The following EXOC6 variants were observed in gnomAD, a reference collection of about 807,000 sequenced individuals.
EXOC6 encodes the protein SEC15-like 1.
A neutral mutation model predicts 112.5 loss-of-function variants in EXOC6; 60 were observed. The ratio of observed to expected loss-of-function variants is 0.53; its 90% CI spans 0.43 to 0.66. The LOEUF (loss-of-function observed/expected upper bound fraction) is 0.66. Among genes scored for constraint, EXOC6 ranks in the 30% least tolerant of loss-of-function variants. The pLI is 0.00. For synonymous variants in EXOC6, 295 were observed against 308.0 expected (o/e 0.96, Z 0.44); for missense variants, 855 against 957.1 (o/e 0.89, Z 1.41).
intron 20 of EXOC6, among the ~76,000 whole-genome samples, chr10:93,020,547 G>T (rs538048261): frequency 6.6e-6 from 1 of 152,130 alleles, no homozygotes; most frequent in East Asian, 1.9e-4. Context: ...AAATATGTTT[G>T]CCTACCTTAC....
In EXOC6 at chr10:92,954,708, C is replaced by A; in HGVS notation, c.1605C>A (p.Asn535Lys). ...GAACTTTGAGTAGCTGTTTACTGAA[C>A]CTTATTAGAAAACCTCATATAGGTT... ...LTRTLSSCLL[N>K]LIRKPHIGLT... Residue 535 changes from asparagine to lysine, a missense_variant, in exon 16 of 22, where the codon AAC becomes AAA. By Grantham distance (94) the Asn-to-Lys change is moderately conservative. Transcript: ENST00000260762. 1 of 1,599,876 alleles carries A rather than the reference C, an allele frequency of 6.3e-7. No individual in the cohort carries two copies. Among genetic ancestry groups the A allele is most frequent in the Non-Finnish European group, 8.6e-7 (1 of 1,168,668 alleles).
At chr10:92,831,951 G>A (rs559535186), upstream of EXOC6, among the ~76,000 whole-genome samples, 8 of 152,276 alleles carry the variant, frequency 5.3e-5, no homozygotes, top group East Asian at 1.4e-3. Context: ...TGTGCTGTGT[G>A]GAGAGAAGAA....
intron 17 of EXOC6, among the ~76,000 whole-genome samples, chr10:92,973,053 T>G (rs770367584): frequency 2.0e-5 from 3 of 152,254 alleles, no homozygotes; most frequent in Admixed American, 6.5e-5. Flanking sequence ...CATGTTAAAC[T>G]TATTGCCTCT....
intron 18 of EXOC6, among the ~76,000 whole-genome samples, chr10:92,988,800 T>C (rs1252705461): frequency 2.1e-5 from 3 of 143,084 alleles, no homozygotes; most frequent in African/African-American, 5.1e-5. Flanking sequence ...CTACAAAAAA[T>C]ACACACACAC....
intron 20 of EXOC6, among the ~76,000 whole-genome samples, chr10:93,045,082 A>G (rs1423511324): frequency 6.6e-6 from 1 of 152,208 alleles, no homozygotes; most frequent in Non-Finnish European, 1.5e-5. Context: ...CATGTTGGCC[A>G]GGCTAATTTC....
At chr10:93,050,165 G>A (rs117545698) in intron 20 of EXOC6, among the ~76,000 whole-genome samples, 6,275 of 152,220 alleles carry the variant, frequency 0.041, 193 homozygotes, top group Non-Finnish European at 0.063. Flanking sequence ...ATAAAGTAAG[G>A]TAAATTCTCA....
chr10:92,956,670 C>T (rs1257006931), intron 17 of EXOC6, among the ~76,000 whole-genome samples: 1 of 152,028 alleles, frequency 6.6e-6, no homozygotes. Context: ...ACATAAGACA[C>T]AAATGCAGAA....
intron 17 of EXOC6, among the ~76,000 whole-genome samples, chr10:92,961,700 T>TG (rs1854012042): frequency 1.5e-5 from 1 of 68,502 alleles, no homozygotes; most frequent in Admixed American, 2.0e-4. Context: ...CTCCGCTTTC[T>TG]GTTTTTTTTT....
Position 92,878,525 on chromosome 10 carries a change from C to T in EXOC6, c.102-14824C>T, listed in dbSNP as rs116909804. Among the ~76,000 whole-genome samples, 594 of 152,244 alleles carry T rather than the reference C, an allele frequency of 3.9e-3. 1 individual carries two copies. Among genetic ancestry groups the T allele is most frequent in the Admixed American group, 8.7e-3 (133 of 15,286 alleles). On this transcript the variant is annotated intron_variant, in intron 1 of 21. Coordinates refer to ENST00000260762, the MANE Select transcript of EXOC6 (RefSeq NM_019053.6). ...CACACAGTGTGTTTAGGGAGTGATA[C>T]GCGTGCCCATCTGATGTTTTCTTTC...
intron 6 of EXOC6, among the ~76,000 whole-genome samples, chr10:92,911,070 T>TA (rs1177221774): frequency 5.1e-5 from 5 of 97,480 alleles, no homozygotes; most frequent in Non-Finnish European, 1.0e-4. Context: ...AATAAAAAGT[T>TA]AAAAAATAAT....
Position 92,893,413 on chromosome 10 carries a change from C to T in EXOC6, c.166C>T (p.Arg56Cys), listed in dbSNP as rs1489203971. 6.8e-6 allele frequency: 11 copies of T among 1,612,870 alleles called. No homozygotes were observed. The highest frequency in any genetic ancestry group is 9.3e-6 in the Non-Finnish European group (11 of 1,179,380). Reference protein sequence around the residue: ...KFMEKLDACIRNHDKEIEKMC... With the variant: ...KFMEKLDACICNHDKEIEKMC... ...TATGGAAAAGTTAGATGCTTGTATC[C>T]GTAATCATGACAAGGAAATTGAAAA... is the stretch of plus-strand genomic sequence containing the variant. The change falls in exon 2 of 22, where the codon CGT becomes TGT. Residue 56 changes from arginine to cysteine, a missense_variant. Arg to Cys is a radical substitution (Grantham distance 180). This residue lies in a region of EXOC6 where 405 missense variants were observed against 393.6 expected (regional missense o/e 1.03). Transcript: ENST00000260762.
chr10:92,854,608 T>C (rs1160494841), intron 1 of EXOC6, among the ~76,000 whole-genome samples: 1 of 152,204 alleles, frequency 6.6e-6, no homozygotes, highest in Non-Finnish European at 1.5e-5. Flanking sequence ...TCTGTATCTA[T>C]TGAGGTGATC....
chr10:92,957,538 A>G (rs1346726858), intron 17 of EXOC6, among the ~76,000 whole-genome samples: 2 of 152,132 alleles, frequency 1.3e-5, no homozygotes, highest in Non-Finnish European at 2.9e-5. Flanking sequence ...TCCTTGGTGT[A>G]TTTCCTTGGA....
At position 92,896,035 on chromosome 10, in the gene EXOC6, G is replaced by A. The variant is rs202211581; in HGVS notation, c.412+1015G>A. 8.4e-5 allele frequency among the ~76,000 whole-genome samples: 9 copies of A among 107,692 alleles called. No homozygotes were observed. In the East Asian group the frequency reaches 1.1e-3, roughly 13 times the overall value. The allele number at this position is 107,692 out of a possible 152,430, so 70.7% of individuals were successfully genotyped here. Reference sequence around the variant, plus strand: ...TGTATATATGTGTATATATATGTGTGTATATATATGTGTATATATATGTGT... The same window carrying A: ...TGTATATATGTGTATATATATGTGTATATATATATGTGTATATATATGTGT... On this transcript the variant is annotated intron_variant, in intron 4 of 21. Coordinates refer to ENST00000260762, the MANE Select transcript of EXOC6 (RefSeq NM_019053.6).
At chr10:92,889,913 C>A (rs1242242952) in intron 1 of EXOC6, among the ~76,000 whole-genome samples, 1 of 152,040 alleles carries the variant, frequency 6.6e-6, no homozygotes. Context: ...CCATGCCTGG[C>A]TGAATTTTGT....
At chr10:93,030,567 TA>T (rs1361113123) in intron 20 of EXOC6, among the ~76,000 whole-genome samples, 1 of 152,142 alleles carries the variant, frequency 6.6e-6, no homozygotes, top group Admixed American at 6.5e-5. Context: ...ATTGAGAAAT[TA>T]AAATACCAGC....
intron 4 of EXOC6, among the ~76,000 whole-genome samples, chr10:92,896,969 A>T (rs897642403): frequency 6.6e-6 from 1 of 152,170 alleles, no homozygotes; most frequent in Non-Finnish European, 1.5e-5. Context: ...AGTAAATAAA[A>T]TGTTGGCTTA....
At chr10:92,848,448 C>CCCCCCAA, upstream of EXOC6, 1 of 1,033,840 alleles carries the variant, frequency 9.7e-7, no homozygotes, top group Non-Finnish European at 1.2e-6. Context: ...GCCCCCGCCC[C>CCCCCCAA]GCCCCTTCGC....
intron 1 of EXOC6, among the ~76,000 whole-genome samples, chr10:92,865,918 A>C (rs1393287412): frequency 6.6e-6 from 1 of 152,158 alleles, no homozygotes; most frequent in Non-Finnish European, 1.5e-5. Context: ...ATTAATATCC[A>C]CTAAGTGGAA....
Sources: gnomAD v4.1 joint callset for allele counts (sites outside exome capture counted in the v4.1 genomes callset) on GRCh38, gnomAD v4.1.1 for gene constraint, gnomAD v4.1.1 regional missense constraint, MANE v1.5 for transcripts, NCBI Gene and HGNC (gene_info 2026-07-23, HGNC 2026-07-21) for gene names.